BCL2L11: variants seen among roughly 807,000 people sequenced by gnomAD.
The protein encoded by BCL2L11 is bcl-2-like protein 11.
In BCL2L11, 15 loss-of-function variants were observed where a neutral mutation model predicts 20.6. The observed-to-expected ratio is 0.73, with a 90% CI of 0.49 to 1.12. BCL2L11 has a LOEUF of 1.12. Among genes scored for constraint, BCL2L11 ranks in the 50% most tolerant of loss-of-function variants. BCL2L11 has a pLI of 0.00. For missense variants in BCL2L11, 292 were observed against 260.9 expected, an observed-to-expected ratio of 1.12 and a Z score of -0.82; for synonymous variants, 108 against 92.8, an observed-to-expected ratio of 1.16 and a Z score of -0.94.
At chr2:111,133,331 C>G (rs556344080) in intron 2 of BCL2L11, among the ~76,000 whole-genome samples, 68 of 152,340 alleles carry the variant, frequency 4.5e-4, no homozygotes, top group Non-Finnish European at 8.5e-4. Flanking sequence ...AGTCTTACCC[C>G]CTTTCGCTTT....
At chr2:111,124,987 A>T (rs2072219621) in intron 2 of BCL2L11, among the ~76,000 whole-genome samples, 1 of 152,214 alleles carries the variant, frequency 6.6e-6, no homozygotes, top group African/African-American at 2.4e-5. Flanking sequence ...GGTTTGAACC[A>T]AGAGTGGCTA....
chr2:111,167,397 G>C lies in BCL2L11; in HGVS notation c.*3166G>C, dbSNP rs1399300816. The C allele has an allele frequency of 1.3e-5, 2 of 152,218 alleles. No individual in the cohort carries two copies. Among genetic ancestry groups the C allele is most frequent in the East Asian group, 3.8e-4 (2 of 5,200 alleles). 9.4% of individuals were successfully genotyped at this position (152,218 alleles called of 1,614,324 possible). ...TCCAAGAAATACCCAGCAACCTTCT[G>C]TTTGTTCCAAAGCAACTAGCTTATC... On this transcript the variant is annotated 3_prime_UTR_variant, in exon 4 of 4. Coordinates refer to ENST00000393256, the MANE Select transcript of BCL2L11 (RefSeq NM_138621.5).
chr2:111,122,821 G>A lies in BCL2L11; in HGVS notation c.-13-912G>A, dbSNP rs2071424231. 16 of 985,298 alleles carry A rather than the reference G, an allele frequency of 1.6e-5. No individual in the cohort carries two copies. In the South Asian group the frequency reaches 2.8e-4, roughly 17 times the overall value. 61.0% of individuals were successfully genotyped at this position (985,298 alleles called of 1,614,324 possible). A position where few individuals can be genotyped will look rare whatever the true frequency, so the allele number is the denominator to read the frequency against. ...GGGCTTTGTCTCCTGCGCTGCTTTC[G>A]TGGTGACGGTCAGGGGGCGCCCGGT... On this transcript the variant is annotated intron_variant, in intron 1 of 3. Transcript: ENST00000393256.
rs1478095147 is a variant in BCL2L11 at position 111,122,642 on chromosome 2, G to A, written c.-13-1091G>A. The A allele has an allele frequency of 4.3e-5, 42 of 984,170 alleles. 1 individual carries two copies. Among genetic ancestry groups the A allele is most frequent in the Admixed American group, 1.2e-4 (2 of 16,080 alleles). The allele number at this position is 984,170 out of a possible 1,614,324, so 61.0% of individuals were successfully genotyped here. On this transcript the variant is annotated intron_variant, in intron 1 of 3. Coordinates refer to ENST00000393256, the MANE Select transcript of BCL2L11 (RefSeq NM_138621.5). ...GCGCAGAGCGCGAGGGGAGGAGCGG[G>A]AGGAGGCGGAGGATGTTCCCGGCGG...
chr2:111,155,742 C>CT (rs2077755719), intron 3 of BCL2L11, among the ~76,000 whole-genome samples: 1 of 152,192 alleles, frequency 6.6e-6, no homozygotes, highest in Non-Finnish European at 1.5e-5. Context: ...GCACATGAAG[C>CT]TGCTCTCCAG....
chr2:111,167,002 T>C lies in BCL2L11; in HGVS notation c.*2771T>C, dbSNP rs2079054684. ...AAAAAAATCACTGTTTTTCTCAACT[T>C]TTTCAAAATCAAGGATTGTAAATAT... is the stretch of plus-strand genomic sequence containing the variant. On this transcript the variant is annotated 3_prime_UTR_variant, in exon 4 of 4. Coordinates refer to ENST00000393256, the MANE Select transcript of BCL2L11 (RefSeq NM_138621.5). The C allele has an allele frequency of 6.6e-6, 1 of 152,664 alleles. No homozygotes were observed. The allele number at this position is 152,664 out of a possible 1,614,324, so 9.5% of individuals were successfully genotyped here.
intron 2 of BCL2L11, among the ~76,000 whole-genome samples, chr2:111,137,398 A>G (rs950562351): frequency 3.9e-5 from 6 of 152,182 alleles, no homozygotes; most frequent in African/African-American, 1.2e-4. Flanking sequence ...CTCTTGGTGT[A>G]TTCCTCATGT....
intron 2 of BCL2L11, among the ~76,000 whole-genome samples, chr2:111,124,709 T>C (rs965274853): frequency 2.6e-5 from 4 of 152,228 alleles, no homozygotes; most frequent in African/African-American, 9.6e-5. Context: ...AGGCTTTACA[T>C]AGTAATGACA....
intron 3 of BCL2L11, among the ~76,000 whole-genome samples, chr2:111,150,728 A>G (rs1410067038): frequency 1.3e-5 from 2 of 152,164 alleles, no homozygotes; most frequent in African/African-American, 2.4e-5. Flanking sequence ...ACTTTATATT[A>G]TAGATAATTG....
At chr2:111,154,366 A>G (rs755753709) in intron 3 of BCL2L11, among the ~76,000 whole-genome samples, 12 of 152,002 alleles carry the variant, frequency 7.9e-5, no homozygotes, top group Admixed American at 2.0e-4. Flanking sequence ...AAAAAAAAAA[A>G]AAAGAAAAAA....
At chr2:111,162,896 A>G (rs2150597956) in intron 3 of BCL2L11, 1 of 152,382 alleles carries the variant, frequency 6.6e-6, no homozygotes, top group Non-Finnish European at 1.5e-5. Context: ...AGTAATTTTG[A>G]AAGTTAAATC....
Position 111,123,966 on chromosome 2 carries a change from C to CTACCA in BCL2L11, c.222_226dup (p.Arg76IlefsTer10). ...CCACCTGCCAGCCCTGGCCCTTTTG[C>CTACCA]TACCAGATCCCCGCTTTTCATCTTT... On this transcript the variant is annotated frameshift_variant, in exon 2 of 4. Coordinates refer to ENST00000393256, the MANE Select transcript of BCL2L11 (RefSeq NM_138621.5). LOFTEE classifies it high-confidence loss of function. The CTACCA allele has an allele frequency of 6.2e-7, 1 of 1,614,238 alleles. No individual in the cohort carries two copies. Among genetic ancestry groups the CTACCA allele is most frequent in the South Asian group, 1.1e-5 (1 of 91,084 alleles).
chr2:111,163,913 C>T lies in BCL2L11; in HGVS notation c.499-220C>T, dbSNP rs918586621. 2.9e-5 allele frequency among the ~76,000 whole-genome samples: 4 copies of T among 136,878 alleles called. No individual in the cohort carries two copies. The Admixed American group carries it at 3.1e-4, about 11-fold the overall frequency. 89.8% of individuals were successfully genotyped at this position (136,878 alleles called of 152,430 possible). On this transcript the variant is annotated intron_variant, in intron 3 of 3. Transcript: ENST00000393256. ...TTTTAAGGAGTAAATCATTGGTATG[C>T]CTGCCCTTTTTGTAGGGATGTCTTC... is the stretch of plus-strand genomic sequence containing the variant.
intron 2 of BCL2L11, among the ~76,000 whole-genome samples, chr2:111,136,738 G>A (rs1477163998): frequency 6.6e-6 from 1 of 152,146 alleles, no homozygotes; most frequent in Non-Finnish European, 1.5e-5. Context: ...CCATTCCAAT[G>A]GCCCCACCTC....
intron 1 of BCL2L11, chr2:111,123,256 A>T: frequency 1.0e-6 from 1 of 985,472 alleles, no homozygotes; most frequent in Non-Finnish European, 1.2e-6. Flanking sequence ...GACCTTCCCC[A>T]GACTTGCTGC....
intron 3 of BCL2L11, chr2:111,151,909 C>G: frequency 6.5e-7 from 1 of 1,531,492 alleles, no homozygotes; most frequent in South Asian, 1.2e-5. Flanking sequence ...TTTTTTGGAA[C>G]TTTGGTTGGT....
chr2:111,158,394 A>G (rs150252590), intron 3 of BCL2L11, among the ~76,000 whole-genome samples: 1 of 152,156 alleles, frequency 6.6e-6, no homozygotes, highest in Non-Finnish European at 1.5e-5. Context: ...CTGGATGTCC[A>G]TCCCAGGCCC....
At position 111,128,919 on chromosome 2, in the gene BCL2L11, C is replaced by CTG. The variant is rs1574935149; in HGVS notation, c.394+4782_394+4783dup. The CTG allele has an allele frequency of 1.5e-5, 18 of 1,173,462 alleles. No homozygotes were observed. The East Asian group carries it at 4.8e-4, about 31-fold the overall frequency. The allele number at this position is 1,173,462 out of a possible 1,614,324, so 72.7% of individuals were successfully genotyped here. ...CACAATTAGATTTGTGGCTGGTGTT[C>CTG]TGTTTCATCTAAACAGGCTGGCCTC... On this transcript the variant is annotated intron_variant, in intron 2 of 3. Coordinates refer to ENST00000393256, the MANE Select transcript of BCL2L11 (RefSeq NM_138621.5).
chr2:111,123,079 A>C, intron 1 of BCL2L11: 1 of 975,396 alleles, frequency 1.0e-6, no homozygotes, highest in Non-Finnish European at 1.2e-6. Context: ...AGAGATGTGC[A>C]CCTCACGGTG....
Sources: gnomAD v4.1 joint callset for allele counts (sites outside exome capture counted in the v4.1 genomes callset) on GRCh38, gnomAD v4.1.1 for gene constraint, MANE v1.5 for transcripts, NCBI Gene and HGNC (gene_info 2026-07-23, HGNC 2026-07-21) for gene names.